Variants in RBFOX1 observed in about 807,000 individuals in gnomAD.
RBFOX1 encodes RNA binding protein fox-1 homolog 1.
A neutral mutation model predicts 57.7 loss-of-function variants in RBFOX1; 8 were observed. The ratio of observed to expected loss-of-function variants is 0.14; its 90% CI spans 0.08 to 0.25. RBFOX1 has a LOEUF of 0.25. Among genes scored for constraint, RBFOX1 ranks in the 10% least tolerant of loss-of-function variants. The pLI, the probability that RBFOX1 is intolerant of heterozygous loss-of-function variation, is 1.00. For missense variants in RBFOX1, 611 were observed against 548.5 expected (o/e 1.11, Z -1.14); for synonymous variants, 326 against 222.4 (o/e 1.47, Z -4.15).
At chr16:7,085,966 A>G (rs958645709) in intron 4 of RBFOX1, among the ~76,000 whole-genome samples, 2 of 152,104 alleles carry the variant, frequency 1.3e-5, no homozygotes, top group African/African-American at 2.4e-5. Context: ...CAGATTGGTC[A>G]GTGTATGTGC....
chr16:7,263,615 A>G (rs749820640), intron 4 of RBFOX1, among the ~76,000 whole-genome samples: 1 of 152,006 alleles, frequency 6.6e-6, no homozygotes, highest in Admixed American at 6.6e-5. Flanking sequence ...AGGTAGAAAG[A>G]GGCTGGGAAC....
At chr16:5,646,608 G>A (rs572383180) in intron 3 of RBFOX1, among the ~76,000 whole-genome samples, 1 of 152,018 alleles carries the variant, frequency 6.6e-6, no homozygotes, top group Admixed American at 6.5e-5. Flanking sequence ...GGCATGGCAG[G>A]GGTCTGGGCA....
intron 3 of RBFOX1, among the ~76,000 whole-genome samples, chr16:6,918,022 C>G (rs970049120): frequency 6.6e-6 from 1 of 152,158 alleles, no homozygotes; most frequent in Non-Finnish European, 1.5e-5. Context: ...TACATTAGCT[C>G]ACGCCTGTAA....
At chr16:7,473,987 T>A (rs918828791) in intron 4 of RBFOX1, among the ~76,000 whole-genome samples, 2 of 152,098 alleles carry the variant, frequency 1.3e-5, no homozygotes, top group African/African-American at 4.8e-5. Flanking sequence ...ATATTATCTT[T>A]TCATTAAAAA....
intron 4 of RBFOX1, among the ~76,000 whole-genome samples, chr16:7,254,705 A>G (rs1171616735): frequency 2.0e-5 from 3 of 152,000 alleles, no homozygotes; most frequent in Non-Finnish European, 4.4e-5. Flanking sequence ...TTCACAAGCC[A>G]TTTTTGCAAT....
At chr16:5,643,162 A>G (rs1367201919) in intron 3 of RBFOX1, among the ~76,000 whole-genome samples, 2 of 152,172 alleles carry the variant, frequency 1.3e-5, no homozygotes, top group East Asian at 1.9e-4. Flanking sequence ...CACGGTAGGC[A>G]TGAAAAAAAA....
intron 3 of RBFOX1, among the ~76,000 whole-genome samples, chr16:6,947,560 G>C (rs1449776356): frequency 3.3e-5 from 5 of 152,170 alleles, no homozygotes; most frequent in African/African-American, 9.7e-5. Flanking sequence ...ATGGACTTGA[G>C]TTCCTGTTGC....
At chr16:6,435,518 C>G (rs1014915389) in intron 2 of RBFOX1, among the ~76,000 whole-genome samples, 3 of 152,040 alleles carry the variant, frequency 2.0e-5, no homozygotes, top group Non-Finnish European at 4.4e-5. Context: ...TGGCCAGGCT[C>G]GCCTTGAACT....
intron 3 of RBFOX1, among the ~76,000 whole-genome samples, chr16:6,848,271 T>G (rs2093872620): frequency 6.6e-6 from 1 of 152,178 alleles, no homozygotes; most frequent in South Asian, 2.1e-4. Context: ...TGCAGCTGAT[T>G]GTGACCATGT....
chr16:7,636,566 T>C (rs1226619602), intron 11 of RBFOX1, among the ~76,000 whole-genome samples: 1 of 152,240 alleles, frequency 6.6e-6, no homozygotes, highest in African/African-American at 2.4e-5. Flanking sequence ...CAAATGTATC[T>C]GTCTTTTCTG....
rs191326016 is a variant in RBFOX1, at chr16:5,258,224, A to G, written c.219+18119A>G. Among the ~76,000 whole-genome samples, 609 of 152,262 alleles carry G rather than the reference A, an allele frequency of 4.0e-3. 5 individuals carry two copies. Among genetic ancestry groups the G allele is most frequent in the African/African-American group, 0.013 (539 of 41,554 alleles). On this transcript the variant is annotated intron_variant, in intron 1 of 2. Coordinates refer to the RBFOX1 transcript ENST00000585867. ...TTATTATGAAAAATTTTCAATATAC[A>G]TAAAAGTAGAGCGACTAGTTTAATG...
intron 3 of RBFOX1, among the ~76,000 whole-genome samples, chr16:5,721,297 T>G (rs1268103459): frequency 6.6e-6 from 1 of 152,242 alleles, no homozygotes; most frequent in Admixed American, 6.5e-5. Flanking sequence ...CAAATTAATC[T>G]TATATCCTGC....
intron 4 of RBFOX1, among the ~76,000 whole-genome samples, chr16:7,315,429 C>A (rs1468727729): frequency 6.8e-6 from 1 of 146,768 alleles, no homozygotes; most frequent in Non-Finnish European, 1.5e-5. Context: ...AATGCAAAGA[C>A]AAATGATTAA....
chr16:7,704,104 G>C (rs931564350), intron 14 of RBFOX1, among the ~76,000 whole-genome samples: 1 of 152,204 alleles, frequency 6.6e-6, no homozygotes, highest in African/African-American at 2.4e-5. Context: ...GGCTCAGAGA[G>C]CATGCTCTGT....
upstream of RBFOX1, among the ~76,000 whole-genome samples, chr16:6,016,871 A>G (rs1008778032): frequency 6.6e-6 from 1 of 152,208 alleles, no homozygotes; most frequent in Non-Finnish European, 1.5e-5. Flanking sequence ...ATACTTTCCA[A>G]ATGAATAGCA....
chr16:6,736,181 A>G, intron 3 of RBFOX1, among the ~76,000 whole-genome samples: 1 of 151,998 alleles, frequency 6.6e-6, no homozygotes, highest in East Asian at 1.9e-4. Flanking sequence ...TTAATTTTTT[A>G]AATTTTATTT....
At position 6,714,609 on chromosome 16, in the gene RBFOX1, C is replaced by T. The variant is rs367584674; in HGVS notation, c.-16+59959C>T. On this transcript the variant is annotated intron_variant, in intron 3 of 15. Coordinates refer to ENST00000550418, the MANE Select transcript of RBFOX1 (RefSeq NM_018723.4). ...CAGGTAGGAAATGTGATTTCAGCATCAAGAAGAAATGCAGGTATTGAAGAT... is the reference window on the plus strand; with the variant it reads ...CAGGTAGGAAATGTGATTTCAGCATTAAGAAGAAATGCAGGTATTGAAGAT... 3.2e-4 allele frequency among the ~76,000 whole-genome samples: 48 copies of T among 152,140 alleles called. 1 individual carries two copies. Among genetic ancestry groups the T allele is most frequent in the African/African-American group, 1.1e-3 (45 of 41,496 alleles).
intron 1 of RBFOX1, among the ~76,000 whole-genome samples, chr16:6,286,887 G>A (rs2076959959): frequency 6.6e-6 from 1 of 152,070 alleles, no homozygotes; most frequent in African/African-American, 2.4e-5. Flanking sequence ...GTAAGAACAA[G>A]GATTACATTT....
chr16:6,944,584 TG>T (rs1396309943), intron 3 of RBFOX1, among the ~76,000 whole-genome samples: 1 of 152,122 alleles, frequency 6.6e-6, no homozygotes, highest in Non-Finnish European at 1.5e-5. Context: ...ATTAAGAGAC[TG>T]GGTCTCGTAG....
Sources: gnomAD v4.1 joint callset for allele counts (sites outside exome capture counted in the v4.1 genomes callset) on GRCh38, gnomAD v4.1.1 for gene constraint, MANE v1.5 for transcripts, NCBI Gene and HGNC (gene_info 2026-07-23, HGNC 2026-07-21) for gene names.